The following EEPD1 variants were observed in gnomAD, a reference collection of about 807,000 sequenced individuals.
EEPD1 encodes the protein endonuclease/exonuclease/phosphatase family domain-containing protein 1.
A neutral mutation model predicts 46.3 loss-of-function variants in EEPD1; 17 were observed. That is an observed-to-expected ratio of 0.37 (90% confidence interval 0.25 to 0.55). The LOEUF is 0.55. Ranked by LOEUF, EEPD1 falls within the 20% of genes least tolerant of loss-of-function variation. The pLI is 0.83. For missense variants in EEPD1, 673 were observed against 745.6 expected (o/e 0.90, Z 1.13); for synonymous variants, 313 against 315.6 (o/e 0.99, Z 0.09).
At position 36,154,204 on chromosome 7, in the gene EEPD1, C is replaced by G. The variant is rs1784774008; in HGVS notation, c.-121C>G. ...CGGTGTTTGTCTATAGTAACCTCTT[C>G]AGTCCCTGAATCCTGCACCTTCCGT... is the stretch of plus-strand genomic sequence containing the variant. On this transcript the variant is annotated 5_prime_UTR_variant, in exon 2 of 8. Coordinates refer to ENST00000242108, the MANE Select transcript of EEPD1 (RefSeq NM_030636.3). The surrounding 1 kb of genome is among the most constrained non-coding windows in gnomAD (Gnocchi z 4.2). The G allele has an allele frequency of 7.9e-6, 10 of 1,258,108 alleles. No homozygotes were observed. The highest frequency in any genetic ancestry group is 8.5e-6 in the Non-Finnish European group (8 of 936,062). The allele number at this position is 1,258,108 out of a possible 1,614,324, so 77.9% of individuals were successfully genotyped here.
chr7:36,288,292 TC>T (rs1388274724), intron 6 of EEPD1, among the ~76,000 whole-genome samples: 1 of 152,118 alleles, frequency 6.6e-6, no homozygotes, highest in Non-Finnish European at 1.5e-5. Context: ...TTGTAGGACC[TC>T]AGGCAAGCCA....
rs377318198 is a variant in EEPD1, at chr7:36,287,236, C to CAAAA, written c.1177-379_1177-376dup. On this transcript the variant is annotated intron_variant, in intron 5 of 7. Coordinates refer to ENST00000242108, the MANE Select transcript of EEPD1 (RefSeq NM_030636.3). ...TGGGTGACAGAGTGAGACTCCTTCT[C>CAAAA]AAAAAAAAAAAAAAAAAAAAAAAAA... is the stretch of plus-strand genomic sequence containing the variant. 2.6e-3 allele frequency among the ~76,000 whole-genome samples: 110 copies of CAAAA among 42,202 alleles called. 32 individuals are homozygous for CAAAA. Among genetic ancestry groups the CAAAA allele is most frequent in the South Asian group, 0.014 (8 of 582 alleles). 27.7% of individuals were successfully genotyped at this position (42,202 alleles called of 152,430 possible).
chr7:36,206,097 C>G (rs1175673573), intron 2 of EEPD1, among the ~76,000 whole-genome samples: 3 of 152,172 alleles, frequency 2.0e-5, no homozygotes, highest in Non-Finnish European at 4.4e-5. Flanking sequence ...TTTCCTGGTT[C>G]AAAGGGCTTG....
intron 5 of EEPD1, among the ~76,000 whole-genome samples, chr7:36,287,053 A>C (rs990644004): frequency 3.3e-5 from 5 of 151,862 alleles, no homozygotes; most frequent in Non-Finnish European, 7.4e-5. Flanking sequence ...ACCAGCCTGG[A>C]CAACATGGTG....
intron 2 of EEPD1, among the ~76,000 whole-genome samples, chr7:36,203,325 C>T (rs1785749085): frequency 6.6e-6 from 1 of 152,154 alleles, no homozygotes; most frequent in Admixed American, 6.5e-5. Context: ...CACACCCACA[C>T]CATGCAGTCG....
chr7:36,165,667 G>A (rs1325018902), intron 2 of EEPD1, among the ~76,000 whole-genome samples: 2 of 151,278 alleles, frequency 1.3e-5, no homozygotes, highest in Non-Finnish European at 2.9e-5. Context: ...TCGATCTCTT[G>A]ACCTCGTGAT....
At chr7:36,187,934 AT>A (rs770104319) in intron 2 of EEPD1, among the ~76,000 whole-genome samples, 1 of 152,210 alleles carries the variant, frequency 6.6e-6, no homozygotes, top group East Asian at 1.9e-4. Context: ...GTAGCTGAGG[AT>A]TACAGGCACG....
intron 2 of EEPD1, among the ~76,000 whole-genome samples, chr7:36,237,074 CAACCCACCAGG>C (rs1262671219): frequency 1.3e-5 from 2 of 152,178 alleles, no homozygotes; most frequent in Non-Finnish European, 2.9e-5. Flanking sequence ...GGGAGACCAC[CAACCCACCAGG>C]AGGAACGAAC....
intron 3 of EEPD1, among the ~76,000 whole-genome samples, chr7:36,255,877 T>C (rs886873039): frequency 6.6e-6 from 1 of 152,156 alleles, no homozygotes; most frequent in Admixed American, 6.6e-5. Flanking sequence ...GCTTTTGAAT[T>C]TGTTTGCTCA....
intron 3 of EEPD1, among the ~76,000 whole-genome samples, chr7:36,271,470 T>G (rs7791599): frequency 0.53 from 80,988 of 151,766 alleles, 22,031 homozygotes; most frequent in South Asian, 0.59. Flanking sequence ...TGGTTTTTTC[T>G]TTTAAATTTG....
chr7:36,199,919 T>C (rs1248944025), intron 2 of EEPD1, among the ~76,000 whole-genome samples: 2 of 152,186 alleles, frequency 1.3e-5, no homozygotes, highest in Admixed American at 6.5e-5. Flanking sequence ...CCAACCCTAA[T>C]GCACGCTCCG....
intron 3 of EEPD1, among the ~76,000 whole-genome samples, chr7:36,250,316 G>T (rs1405491467): frequency 1.3e-5 from 2 of 152,102 alleles, no homozygotes; most frequent in Non-Finnish European, 2.9e-5. Flanking sequence ...AACTTTTTAA[G>T]ATCCACTTGG....
At chr7:36,189,765 G>A (rs1785429119) in intron 2 of EEPD1, among the ~76,000 whole-genome samples, 1 of 152,152 alleles carries the variant, frequency 6.6e-6, no homozygotes, top group South Asian at 2.1e-4. Flanking sequence ...AAATGGATTT[G>A]GTTCAGTTCC....
In EEPD1 at chr7:36,154,137, C is replaced by T. The variant is rs745639259; in HGVS notation, c.-188C>T. On this transcript the variant is annotated 5_prime_UTR_variant, in exon 2 of 8. Coordinates refer to ENST00000242108, the MANE Select transcript of EEPD1 (RefSeq NM_030636.3). This position sits in a 1 kb window ranked among gnomAD's most constrained non-coding sequence, Gnocchi z 4.2. ...GTTTATTGATTTATTTTCTAGGCGG[C>T]CAAGTGAAAGGTAATTTTGGACACG... The T allele has an allele frequency of 5.5e-5, 37 of 669,958 alleles. No homozygotes were observed. Among genetic ancestry groups the T allele is most frequent in the Non-Finnish European group, 5.4e-5 (22 of 406,966 alleles). The allele number at this position is 669,958 out of a possible 1,614,324, so 41.5% of individuals were successfully genotyped here. A position where few individuals can be genotyped will look rare whatever the true frequency, so the allele number is the denominator to read the frequency against.
rs6972353 is a variant in EEPD1, at chr7:36,288,323, C to T, written c.1315+546C>T. 2.5e-3 allele frequency among the ~76,000 whole-genome samples: 380 copies of T among 152,220 alleles called. 1 individual carries two copies. The highest frequency in any genetic ancestry group is 8.7e-3 in the African/African-American group (361 of 41,538). ...AAGCCACCAAACCACTTCAGGCCCC[C>T]ATCTGATGGGGGACAGTACTCATCT... On this transcript the variant is annotated intron_variant, in intron 6 of 7. Coordinates refer to ENST00000242108, the MANE Select transcript of EEPD1 (RefSeq NM_030636.3).
At chr7:36,297,263 A>T in intron 7 of EEPD1, 76 bp downstream of exon 7, 1 of 1,500,840 alleles carries the variant, frequency 6.7e-7, no homozygotes, top group Non-Finnish European at 9.1e-7. Context: ...GACAGAAGTC[A>T]TCTCACCTCC....
In EEPD1 at chr7:36,258,885, G is replaced by GAA. The variant is rs35478776; in HGVS notation, c.930+19867_930+19868dup. On this transcript the variant is annotated intron_variant, in intron 3 of 7. Transcript: ENST00000242108. Reference sequence around the variant, plus strand: ...GGCATTCCAGGTGCCACTGGGGTATGAAAAAAAAAAAAAAAAAAACTGCAG... The same window carrying GAA: ...GGCATTCCAGGTGCCACTGGGGTATGAAAAAAAAAAAAAAAAAAAAACTGCAG... Among the ~76,000 whole-genome samples the GAA allele has an allele frequency of 3.5e-3, 402 of 115,068 alleles. 1 individual carries two copies. The highest frequency in any genetic ancestry group is 0.011 in the East Asian group (42 of 3,740). The allele number at this position is 115,068 out of a possible 152,430, so 75.5% of individuals were successfully genotyped here.
chr7:36,275,002 G>C (rs996513868), intron 3 of EEPD1, among the ~76,000 whole-genome samples: 1 of 152,180 alleles, frequency 6.6e-6, no homozygotes, highest in African/African-American at 2.4e-5. Flanking sequence ...ACTCACCTGT[G>C]CATCTTCATC....
At chr7:36,257,230 C>T (rs1423430417) in intron 3 of EEPD1, among the ~76,000 whole-genome samples, 1 of 151,828 alleles carries the variant, frequency 6.6e-6, no homozygotes, top group African/African-American at 2.4e-5. Context: ...GTAACCTGAT[C>T]TTTCCTTCTG....
Sources: allele counts gnomAD v4.1 joint callset (sites outside exome capture counted in the v4.1 genomes callset), GRCh38; gene constraint gnomAD v4.1.1; non-coding constraint Gnocchi (gnomAD v3.1); transcripts MANE v1.5; gene names NCBI Gene and HGNC (gene_info 2026-07-23, HGNC 2026-07-21).